The following NAA35 variants were observed in gnomAD, a reference collection of about 807,000 sequenced individuals.
The protein encoded by NAA35 is N-alpha-acetyltransferase 35, NatC auxiliary subunit.
NAA35 carries 18 observed loss-of-function variants against 101.7 expected under a neutral mutation model. That is an observed-to-expected ratio of 0.18 (90% CI 0.12 to 0.26). NAA35 has a LOEUF of 0.26. Among genes scored for constraint, NAA35 ranks in the 10% least tolerant of loss-of-function variants. The probability of loss-of-function intolerance (pLI) is 1.00; values close to 1 mark genes in which losing one functional copy is unlikely to be tolerated. For synonymous variants in NAA35, 267 were observed against 273.1 expected (o/e 0.98, Z 0.22); for missense variants, 601 against 886.8 (o/e 0.68, Z 4.09).
intron 3 of NAA35, among the ~76,000 whole-genome samples, chr9:85,957,142 T>C (rs759500158): frequency 6.6e-6 from 1 of 152,212 alleles, no homozygotes; most frequent in Non-Finnish European, 1.5e-5. Context: ...TAGCCTATCA[T>C]TGACTGGAAG....
Position 86,018,241 on chromosome 9 carries a change from C to A in NAA35, c.1774-14C>A. 1 of 1,596,476 alleles carries A rather than the reference C, an allele frequency of 6.3e-7. No homozygotes were observed. The highest frequency in any genetic ancestry group is 8.6e-7 in the Non-Finnish European group (1 of 1,168,632). ...ATTGATTTCATCTTTTTTCTTATTC[C>A]CTTTTTCATTTAGACCATGGTAGCA... is the stretch of plus-strand genomic sequence containing the variant. On this transcript the variant is annotated splice_polypyrimidine_tract_variant and intron_variant, in intron 19 of 22. Transcript: ENST00000361671.
chr9:85,977,187 T>C (rs564393106), intron 9 of NAA35, among the ~76,000 whole-genome samples, 176 bp from the exon 10 acceptor site: 175 of 152,278 alleles, frequency 1.1e-3, no homozygotes, highest in African/African-American at 4.1e-3. Flanking sequence ...TTCAAAAGAA[T>C]AGGCTTTGTT....
At position 85,962,168 on chromosome 9, in the gene NAA35, T is replaced by A. The variant is rs372223483; in HGVS notation, c.504T>A (p.Ala168=). ...CAAGGGAAAAAGTAAATAAAGCTGC[T>A]GTTTTTGAAGAGGTAAGATTTCGTA... ...DIAREKVNKA[A]VFEEEDFQSM... Residue 168 remains alanine (A), a synonymous_variant, in exon 6 of 23, where the codon GCT becomes GCA. Coordinates refer to ENST00000361671, the MANE Select transcript of NAA35 (RefSeq NM_024635.4). 1.2e-6 allele frequency: 2 copies of A among 1,613,716 alleles called. No individual in the cohort carries two copies. Among genetic ancestry groups the A allele is most frequent in the African/African-American group, 2.7e-5 (2 of 74,882 alleles).
At chr9:85,998,390 T>G (rs533289696) in intron 12 of NAA35, among the ~76,000 whole-genome samples, 1 of 152,280 alleles carries the variant, frequency 6.6e-6, no homozygotes, top group East Asian at 1.9e-4. Context: ...TATATTACAG[T>G]TTTTTAAATT....
intron 2 of NAA35, among the ~76,000 whole-genome samples, chr9:85,948,472 A>G (rs1431253841): frequency 6.6e-6 from 1 of 152,118 alleles, no homozygotes; most frequent in Non-Finnish European, 1.5e-5. Flanking sequence ...TTTTGTACCT[A>G]GTATGTAACT....
chr9:85,953,886 T>C (rs186942123), intron 2 of NAA35, among the ~76,000 whole-genome samples: 4 of 152,306 alleles, frequency 2.6e-5, no homozygotes, highest in East Asian at 3.9e-4. Context: ...GACTGAATAA[T>C]ATTCCATTGT....
At chr9:85,977,269 T>C (rs1564301975) in intron 9 of NAA35, 94 bp from the exon 10 acceptor site, 1 of 882,344 alleles carries the variant, frequency 1.1e-6, no homozygotes, top group Non-Finnish European at 1.9e-6. Flanking sequence ...TAGTAAGTTA[T>C]TAACATTGAG....
At position 85,992,239 on chromosome 9, in the gene NAA35, A is replaced by G. The variant is rs886791105; in HGVS notation, c.878-4160A>G. On this transcript the variant is annotated intron_variant, in intron 11 of 22. Transcript: ENST00000361671. The stretch of plus-strand genomic sequence containing the variant: ...AGGAACATATCAGTTGGATATAGAA[A>G]AGAACTTGAAGGGGATCTCACGTGG... Among the ~76,000 whole-genome samples, 4 of 152,198 alleles carry G rather than the reference A, an allele frequency of 2.6e-5. No homozygotes were observed. The East Asian group carries it at 7.7e-4, about 29-fold the overall frequency.
At chr9:86,007,270 A>C (rs755499190) in intron 13 of NAA35, 88 bp from the exon 14 acceptor site, 5 of 890,592 alleles carry the variant, frequency 5.6e-6, no homozygotes, top group Admixed American at 4.5e-5. Context: ...TCACTTGCGT[A>C]GTCTGTGGCA....
intron 3 of NAA35, 145 bp downstream of exon 3, chr9:85,956,538 T>G (rs1829283377): frequency 2.2e-6 from 1 of 448,692 alleles, no homozygotes; most frequent in Admixed American, 4.7e-5. Context: ...TATTTTTAAC[T>G]GTGATGAGCT....
At chr9:85,975,635 T>G (rs1338965869) in intron 8 of NAA35, among the ~76,000 whole-genome samples, 1 of 152,236 alleles carries the variant, frequency 6.6e-6, no homozygotes, top group Non-Finnish European at 1.5e-5. Context: ...TCTGAATACT[T>G]TCAATCAGCG....
chr9:85,945,589 T>C (rs1021282799), intron 2 of NAA35, among the ~76,000 whole-genome samples: 2 of 148,470 alleles, frequency 1.3e-5, no homozygotes, highest in Middle Eastern at 6.8e-3. Flanking sequence ...GCAGTGGTGC[T>C]GTCTCGGCTC....
intron 15 of NAA35, among the ~76,000 whole-genome samples, chr9:86,011,898 T>G (rs1233249144): frequency 2.1e-5 from 3 of 141,496 alleles, no homozygotes; most frequent in Non-Finnish European, 4.5e-5. Context: ...TTATATGATA[T>G]ATATTAATAT....
Position 85,941,167 on chromosome 9 carries a change from C to A in NAA35, c.-112C>A. 1 of 985,616 alleles carries A rather than the reference C, an allele frequency of 1.0e-6. No individual in the cohort carries two copies. Among genetic ancestry groups the A allele is most frequent in the Non-Finnish European group, 1.2e-6 (1 of 830,088 alleles). The allele number at this position is 985,616 out of a possible 1,614,324, so 61.1% of individuals were successfully genotyped here. On this transcript the variant is annotated 5_prime_UTR_variant, in exon 1 of 23. Transcript: ENST00000361671. The stretch of plus-strand genomic sequence containing the variant: ...GGGCATACGCATGCGTGCACGCTGC[C>A]GGTCGGGCTGGGCTGAGAGGGGAGG...
intron 14 of NAA35, among the ~76,000 whole-genome samples, chr9:86,009,356 G>A (rs1025908399): frequency 2.6e-5 from 4 of 152,098 alleles, no homozygotes; most frequent in African/African-American, 9.7e-5. Context: ...CCTTGACTCT[G>A]TTAATCAGAG....
intron 10 of NAA35, 100 bp from the exon 11 acceptor site, chr9:85,978,167 C>T (rs1472611849): frequency 2.7e-6 from 2 of 732,300 alleles, no homozygotes; most frequent in African/African-American, 3.5e-5. Context: ...GTCATTACAG[C>T]AAGCATTTAA....
chr9:85,951,575 A>C (rs1326084955), intron 2 of NAA35, among the ~76,000 whole-genome samples: 1 of 152,188 alleles, frequency 6.6e-6, no homozygotes, highest in Non-Finnish European at 1.5e-5. Context: ...TCTTTAATCC[A>C]TGCCTGATTT....
chr9:86,024,517 G>A lies in NAA35; in HGVS notation c.*2557G>A, dbSNP rs577331294. 1.3e-5 allele frequency among the ~76,000 whole-genome samples: 2 copies of A among 152,304 alleles called. No homozygotes were observed. The highest frequency in any genetic ancestry group is 2.1e-4 in the South Asian group (1 of 4,826). On this transcript the variant is annotated 3_prime_UTR_variant, in exon 23 of 23. Transcript: ENST00000361671. ...AATGGTTGAAAAGGGAGGCAGGGAA[G>A]CCAGTCACGTGAGAGAAAATGTTGG...
At chr9:86,021,832 T>G in intron 22 of NAA35, 69 bp from the exon 23 acceptor site, 1 of 1,236,440 alleles carries the variant, frequency 8.1e-7, no homozygotes, top group Non-Finnish European at 1.2e-6. Flanking sequence ...AAAATAAAAA[T>G]AGTCTTTGTT....
Sources: gnomAD v4.1 joint callset for allele counts (sites outside exome capture counted in the v4.1 genomes callset) on GRCh38, gnomAD v4.1.1 for gene constraint, MANE v1.5 for transcripts, NCBI Gene and HGNC (gene_info 2026-07-23, HGNC 2026-07-21) for gene names.